FRMD4B: variants seen among roughly 807,000 people sequenced by gnomAD.
FRMD4B encodes the protein FERM domain containing 4B.
In FRMD4B, 74 loss-of-function variants were observed where a neutral mutation model predicts 141.5. The observed-to-expected ratio is 0.52, with a 90% CI of 0.43 to 0.63. FRMD4B has a LOEUF of 0.63. FRMD4B is among the 30% of genes least tolerant of loss of function. The pLI, the probability that FRMD4B is intolerant of heterozygous loss-of-function variation, is 0.00. For missense variants in FRMD4B, 1,366 were observed against 1,253.4 expected, an observed-to-expected ratio of 1.09 and a Z score of -1.36; for synonymous variants, 506 against 467.9, an observed-to-expected ratio of 1.08 and a Z score of -1.05.
chr3:69,525,164 AAAAT>A (rs1700913990), intron 1 of FRMD4B, among the ~76,000 whole-genome samples: 1 of 152,236 alleles, frequency 6.6e-6, no homozygotes, highest in South Asian at 2.1e-4. Context: ...TGTCATAAGA[AAAAT>A]AAAACAAAAG....
intron 1 of FRMD4B, among the ~76,000 whole-genome samples, chr3:69,529,401 A>G (rs138686253): frequency 1.3e-5 from 2 of 152,292 alleles, no homozygotes; most frequent in East Asian, 3.9e-4. Flanking sequence ...TAACATCCTT[A>G]TTTTATAGAT....
chr3:69,378,452 G>C (rs1704030969), intron 1 of FRMD4B, among the ~76,000 whole-genome samples: 1 of 152,196 alleles, frequency 6.6e-6, no homozygotes, highest in Admixed American at 6.5e-5. Context: ...AATCAACCAA[G>C]CTTCCAGCCA....
At chr3:69,355,863 A>T (rs765765501) in intron 1 of FRMD4B, among the ~76,000 whole-genome samples, 104 of 152,254 alleles carry the variant, frequency 6.8e-4, no homozygotes, top group Non-Finnish European at 1.6e-4. Flanking sequence ...CATCTCTACT[A>T]CAAATACAAA....
At chr3:69,349,868 AC>A (rs1703075810) in intron 1 of FRMD4B, among the ~76,000 whole-genome samples, 1 of 152,158 alleles carries the variant, frequency 6.6e-6, no homozygotes, top group Non-Finnish European at 1.5e-5. Flanking sequence ...AACCATAAAA[AC>A]CCTAGAAGAA....
chr3:69,193,769 C>G lies in FRMD4B; in HGVS notation c.1593G>C (p.Lys531Asn), dbSNP rs1357671593. 6.2e-7 allele frequency: 1 copy of G among 1,613,496 alleles called. No homozygotes were observed. The highest frequency in any genetic ancestry group is 1.1e-5 in the South Asian group (1 of 91,064). Residue 531 changes from lysine (K) to asparagine (N), a missense_variant, in exon 17 of 23, where the codon AAG becomes AAC. By Grantham distance (94) the Lys-to-Asn change is moderately conservative. Transcript: ENST00000398540. ...CTGTGTAATCTTGCTTTCGCTTTTT[C>G]TTCACAGTTTTACAAAGGTCTGGCT... ...ANEPDLCKTVKKKRKQDYTDA... is the reference protein window; with the variant it reads ...ANEPDLCKTVNKKRKQDYTDA...
At chr3:69,301,057 A>G (rs1701202134) in intron 4 of FRMD4B, among the ~76,000 whole-genome samples, 1 of 151,146 alleles carries the variant, frequency 6.6e-6, no homozygotes, top group Non-Finnish European at 1.5e-5. Flanking sequence ...AAATTTTAAT[A>G]ACAACTAGAA....
At chr3:69,216,427 CTCTT>C in intron 10 of FRMD4B, 78 bp from the exon 11 acceptor site, 2 of 607,960 alleles carry the variant, frequency 3.3e-6, no homozygotes, top group Non-Finnish European at 5.7e-6. Flanking sequence ...CCAATTTCAC[CTCTT>C]TTTTTTTTTT....
At chr3:69,324,737 T>C (rs1702123273) in intron 1 of FRMD4B, among the ~76,000 whole-genome samples, 2 of 152,204 alleles carry the variant, frequency 1.3e-5, no homozygotes. Context: ...GGCAATGGAA[T>C]TGAGTTCTAA....
chr3:69,443,016 C>A (rs1413531482), intron 1 of FRMD4B, among the ~76,000 whole-genome samples: 2 of 152,168 alleles, frequency 1.3e-5, no homozygotes, highest in African/African-American at 4.8e-5. Context: ...TCATAATAAG[C>A]CCCTTTCAAC....
chr3:69,330,340 C>CTT (rs34238889), intron 1 of FRMD4B, among the ~76,000 whole-genome samples: 512 of 42,922 alleles, frequency 0.012, 15 homozygotes, highest in African/African-American at 0.02. Context: ...ATTCTTTTGC[C>CTT]TTTTTTTTTT....
intron 1 of FRMD4B, among the ~76,000 whole-genome samples, chr3:69,366,097 ACACAC>A (rs1703641441): frequency 6.6e-6 from 1 of 151,378 alleles, no homozygotes; most frequent in Non-Finnish European, 1.5e-5. Context: ...ACACACACAC[ACACAC>A]ACACAAAATT....
intron 1 of FRMD4B, among the ~76,000 whole-genome samples, chr3:69,496,101 C>G (rs1212896937): frequency 1.3e-5 from 2 of 152,124 alleles, no homozygotes; most frequent in Non-Finnish European, 1.5e-5. Flanking sequence ...TCCGTATCAT[C>G]TAATTAACCA....
At chr3:69,500,365 A>G (rs1706472644) in intron 1 of FRMD4B, among the ~76,000 whole-genome samples, 1 of 152,178 alleles carries the variant, frequency 6.6e-6, no homozygotes, top group South Asian at 2.1e-4. Context: ...TCCCTAGGAT[A>G]TATATTCTTA....
intron 2 of FRMD4B, among the ~76,000 whole-genome samples, chr3:69,408,813 G>T (rs529061903): frequency 4.6e-5 from 7 of 152,002 alleles, no homozygotes; most frequent in Non-Finnish European, 1.0e-4. Flanking sequence ...GGGAAGAGTC[G>T]ACGACTGGAG....
At chr3:69,511,936 C>T (rs1559549996) in intron 1 of FRMD4B, among the ~76,000 whole-genome samples, 2 of 152,064 alleles carry the variant, frequency 1.3e-5, no homozygotes, top group East Asian at 1.9e-4. Flanking sequence ...GAGGGATCAG[C>T]GAAGACATCC....
intron 1 of FRMD4B, among the ~76,000 whole-genome samples, chr3:69,534,111 T>C (rs192414712): frequency 1.3e-5 from 2 of 152,338 alleles, no homozygotes; most frequent in East Asian, 1.9e-4. Flanking sequence ...AAGTGGTTTG[T>C]GTGCACCAAG....
intron 12 of FRMD4B, 131 bp downstream of exon 12, chr3:69,198,567 A>C: frequency 1.6e-6 from 1 of 629,158 alleles, no homozygotes; most frequent in African/African-American, 1.8e-5. Flanking sequence ...TTGACCCAGC[A>C]ATTCCATTCC....
At chr3:69,380,017 A>T (rs1019452174) in intron 1 of FRMD4B, among the ~76,000 whole-genome samples, 1 of 152,244 alleles carries the variant, frequency 6.6e-6, no homozygotes, top group African/African-American at 2.4e-5. Context: ...TGAAATGTAC[A>T]AGGGCTCAAT....
intron 1 of FRMD4B, chr3:69,536,630 G>T: frequency 2.0e-6 from 2 of 1,007,044 alleles, no homozygotes; most frequent in Non-Finnish European, 3.1e-6. Flanking sequence ...CAGGAGACCT[G>T]GATGATCCTG....
Sources: gnomAD v4.1 joint callset for allele counts (sites outside exome capture counted in the v4.1 genomes callset) on GRCh38, gnomAD v4.1.1 for gene constraint, MANE v1.5 for transcripts, NCBI Gene and HGNC (gene_info 2026-07-23, HGNC 2026-07-21) for gene names.